The following RAD51 variants were observed in gnomAD, a reference collection of about 807,000 sequenced individuals.
RAD51 encodes DNA repair protein RAD51 homolog 1.
Under a neutral mutation model 41.5 loss-of-function variants are expected in RAD51, and 14 were observed. The ratio of observed to expected loss-of-function variants is 0.34; its 90% CI spans 0.22 to 0.53. RAD51 has a LOEUF of 0.53. Ranked by LOEUF, RAD51 falls within the 20% of genes least tolerant of loss-of-function variation. RAD51 has a pLI of 0.95. For missense variants in RAD51, 234 were observed against 422.0 expected, an observed-to-expected ratio of 0.55 and a Z score of 3.90; for synonymous variants, 136 against 148.6, an observed-to-expected ratio of 0.92 and a Z score of 0.62.
intron 9 of RAD51, among the ~76,000 whole-genome samples, chr15:40,730,804 G>A (rs1213293536): frequency 1.3e-5 from 2 of 151,846 alleles, no homozygotes; most frequent in Non-Finnish European, 2.9e-5. Context: ...TTACAGGCGT[G>A]AGCCACCATG....
At chr15:40,706,503 C>T (rs916232078) in intron 4 of RAD51, among the ~76,000 whole-genome samples, 1 of 152,290 alleles carries the variant, frequency 6.6e-6, no homozygotes, top group African/African-American at 2.4e-5. Context: ...TCGAGACCAG[C>T]CCAGCCAACA....
chr15:40,709,182 A>C (rs1465987607), intron 5 of RAD51, 66 bp downstream of exon 5: 2 of 1,365,198 alleles, frequency 1.5e-6, no homozygotes, highest in East Asian at 4.6e-5. Flanking sequence ...ATTTGCAAGC[A>C]TCTGTTAGGA....
intron 3 of RAD51, among the ~76,000 whole-genome samples, chr15:40,702,273 T>A (rs1895052759): frequency 6.6e-6 from 1 of 152,146 alleles, no homozygotes; most frequent in Non-Finnish European, 1.5e-5. Context: ...CTAAAGTCTT[T>A]CTGTTTTCGC....
intron 5 of RAD51, among the ~76,000 whole-genome samples, chr15:40,716,885 C>T (rs2141853652): frequency 6.6e-6 from 1 of 152,120 alleles, no homozygotes; most frequent in Non-Finnish European, 1.5e-5. Context: ...TGGTCTCGGT[C>T]TCCTGACCTC....
intron 6 of RAD51, among the ~76,000 whole-genome samples, chr15:40,723,281 T>C (rs1386414951): frequency 6.6e-6 from 1 of 152,054 alleles, no homozygotes; most frequent in Admixed American, 6.6e-5. Context: ...CTTTGCAAAA[T>C]AGGTGGCTTC....
chr15:40,702,816 CTTTTT>C (rs45541035), intron 3 of RAD51, among the ~76,000 whole-genome samples: 1 of 140,782 alleles, frequency 7.1e-6, no homozygotes, highest in Non-Finnish European at 1.6e-5. Context: ...CTGTGCCCAC[CTTTTT>C]TTTTTTTTTT....
At chr15:40,718,966 G>A in intron 6 of RAD51, 67 bp downstream of exon 6, 1 of 1,435,828 alleles carries the variant, frequency 7.0e-7, no homozygotes, top group Non-Finnish European at 9.8e-7. Context: ...GCCAGGGTTA[G>A]TTTGGCCGAA....
At chr15:40,701,275 TC>T in intron 3 of RAD51, 74 bp downstream of exon 3, 1 of 1,506,790 alleles carries the variant, frequency 6.6e-7, no homozygotes. Flanking sequence ...AAAGACTTCT[TC>T]CTTCTATCTC....
chr15:40,698,928 T>C (rs1318813738), intron 2 of RAD51, 83 bp downstream of exon 2: 1 of 1,368,260 alleles, frequency 7.3e-7, no homozygotes, highest in African/African-American at 1.4e-5. Context: ...ACATAAAATA[T>C]AGGTTTACTA....
chr15:40,730,515 T>TTTTCTTTTTTTTTTTTTC (rs1896815765), intron 9 of RAD51, among the ~76,000 whole-genome samples: 6 of 117,652 alleles, frequency 5.1e-5, no homozygotes, highest in East Asian at 6.1e-4. Context: ...GAAAAAATTT[T>TTTTCTTTTTTTTTTTTTC]TTTTCTTTTT....
At chr15:40,723,314 A>G (rs529880406) in intron 6 of RAD51, among the ~76,000 whole-genome samples, 34 of 152,322 alleles carry the variant, frequency 2.2e-4, no homozygotes, top group African/African-American at 7.9e-4. Flanking sequence ...ATATAAATTT[A>G]CCATATGATG....
chr15:40,716,882 G>T (rs1482732013), intron 5 of RAD51, among the ~76,000 whole-genome samples: 2 of 151,748 alleles, frequency 1.3e-5, no homozygotes, highest in Admixed American at 1.3e-4. Flanking sequence ...GGATGGTCTC[G>T]GTCTCCTGAC....
rs45457497 is a variant in RAD51 at position 40,706,144 on chromosome 15, T to G, written c.226-33T>G. The G allele has an allele frequency of 0.2, 302,759 of 1,496,328 alleles. 40,090 individuals carry two copies. The highest frequency in any genetic ancestry group is 0.68 in the East Asian group (30,114 of 44,356). The allele number at this position is 1,496,328 out of a possible 1,614,324, so 92.7% of individuals were successfully genotyped here. A position where few individuals can be genotyped will look rare whatever the true frequency, so the allele number is the denominator to read the frequency against. ...AAGATCACTGTGGTAAGGAATATTA[T>G]TTTGTTGATTTAATATTTCTTATTT... On this transcript the variant is annotated intron_variant, in intron 3 of 9. Coordinates refer to ENST00000267868, the MANE Select transcript of RAD51 (RefSeq NM_002875.5).
At chr15:40,722,935 GA>G (rs2141866335) in intron 6 of RAD51, among the ~76,000 whole-genome samples, 1 of 152,214 alleles carries the variant, frequency 6.6e-6, no homozygotes, top group South Asian at 2.1e-4. Flanking sequence ...AAGAATGTGA[GA>G]AAATATTTGC....
intron 6 of RAD51, among the ~76,000 whole-genome samples, chr15:40,723,781 T>C (rs1040502914): frequency 3.9e-5 from 6 of 152,194 alleles, no homozygotes; most frequent in African/African-American, 1.4e-4. Flanking sequence ...TCAATGAATT[T>C]TATACTTACA....
intron 6 of RAD51, 53 bp downstream of exon 6, chr15:40,718,952 G>T: frequency 6.7e-7 from 1 of 1,485,366 alleles, no homozygotes; most frequent in South Asian, 1.1e-5. Flanking sequence ...TCAATGTAGT[G>T]ATTGCCAGGG....
intron 4 of RAD51, among the ~76,000 whole-genome samples, chr15:40,706,829 A>AAG (rs777019940): frequency 2.6e-5 from 4 of 152,218 alleles, no homozygotes; most frequent in Non-Finnish European, 5.9e-5. Context: ...ATATTGTGTT[A>AAG]AGAGAGTAAG....
At chr15:40,701,927 G>C (rs1895030236) in intron 3 of RAD51, 1 of 343,124 alleles carries the variant, frequency 2.9e-6, no homozygotes, top group African/African-American at 2.2e-5. Flanking sequence ...GGGACTACAG[G>C]TATGTGCCAC....
chr15:40,711,012 T>C (rs1474477588), intron 5 of RAD51, among the ~76,000 whole-genome samples: 1 of 152,170 alleles, frequency 6.6e-6, no homozygotes, highest in Non-Finnish European at 1.5e-5. Flanking sequence ...GATTTGGAAA[T>C]AGACACAGTA....
Sources: gnomAD v4.1 joint callset for allele counts (sites outside exome capture counted in the v4.1 genomes callset) on GRCh38, gnomAD v4.1.1 for gene constraint, MANE v1.5 for transcripts, NCBI Gene and HGNC (gene_info 2026-07-23, HGNC 2026-07-21) for gene names.